Variants in SSX3 observed in about 807,000 individuals in gnomAD.
The protein encoded by SSX3 is SSX family member 3, also known as protein SSX3.
Under a neutral mutation model 14.8 loss-of-function variants are expected in SSX3, and 6 were observed. The ratio of observed to expected loss-of-function variants is 0.41; its 90% CI spans 0.22 to 0.80. The LOEUF (loss-of-function observed/expected upper bound fraction) is 0.80, where lower values mean the gene tolerates loss of function less well. SSX3 is among the 30% of genes least tolerant of loss of function. SSX3 has a pLI of 0.34. For synonymous variants in SSX3, 55 were observed against 52.9 expected, an observed-to-expected ratio of 1.04 and a Z score of -0.18; for missense variants, 163 against 152.2, an observed-to-expected ratio of 1.07 and a Z score of -0.37.
At position 48,350,084 on chromosome X, in the gene SSX3, C is replaced by T. The variant is rs782073249; in HGVS notation, c.369G>A (p.Ser123=). The change falls in exon 6 of 8, where the codon TCG becomes TCA. Residue 123 remains serine, a synonymous_variant. Transcript: ENST00000298396. ...GGCCAGATGCTTCTGGCACTTCCTTCGAAACATTTCCTTCCTCTGCTGGCT... is the reference window on the plus strand; with the variant it reads ...GGCCAGATGCTTCTGGCACTTCCTTTGAAACATTTCCTTCCTCTGCTGGCT... ...PKKPAEEGNV[S]KEVPEASGPQ... The T allele has an allele frequency of 2.0e-5, 24 of 1,211,728 alleles. No individual in the cohort carries two copies. The highest frequency in any genetic ancestry group is 1.8e-4 in the East Asian group (6 of 33,859).
chrX:48,351,128 T>G (rs181272246), intron 5 of SSX3, among the ~76,000 whole-genome samples: 1 of 111,739 alleles, frequency 8.9e-6, no homozygotes, highest in Admixed American at 9.5e-5. Context: ...ACATGTAAAA[T>G]AGGCTACAAG....
chrX:48,350,779 T>C (rs5953226), intron 5 of SSX3, among the ~76,000 whole-genome samples: 31,825 of 106,113 alleles, frequency 0.3, 3,525 homozygotes, highest in Middle Eastern at 0.42. Flanking sequence ...TTCTTTTTTT[T>C]TTTTTTTTTT....
chrX:48,350,111 C>T lies in SSX3; in HGVS notation c.342G>A (p.Lys114=), dbSNP rs782439263. ...AAACATTTCCTTCCTCTGCTGGCTT[C>T]TTGGGCATGATCTTTATAATGTGAA... is the stretch of plus-strand genomic sequence containing the variant. The part of the protein sequence containing the change: ...LQGIFPKIMP[K]KPAEEGNVSK... The change falls in exon 6 of 8, where the codon AAG becomes AAA. Residue 114 remains lysine, a synonymous_variant. Coordinates refer to ENST00000298396, the MANE Select transcript of SSX3 (RefSeq NM_021014.4). The T allele has an allele frequency of 9.1e-6, 11 of 1,211,610 alleles. No individual in the cohort carries two copies. Among genetic ancestry groups the T allele is most frequent in the African/African-American group, 1.7e-5 (1 of 57,772 alleles).
intron 2 of SSX3, 106 bp downstream of exon 2, chrX:48,355,075 A>T: frequency 8.3e-7 from 1 of 1,204,476 alleles, no homozygotes; most frequent in East Asian, 3.0e-5. Flanking sequence ...ATCTCCCCTG[A>T]GACCCTGCTC....
chrX:48,351,900 G>A (rs1279992913), intron 5 of SSX3, among the ~76,000 whole-genome samples, 200 bp downstream of exon 5: 2 of 111,810 alleles, frequency 1.8e-5, no homozygotes, highest in Non-Finnish European at 3.8e-5. Flanking sequence ...ATAGTATCTG[G>A]CATCACTATG....
Position 48,355,008 on chromosome X carries a change from G to A in SSX3, c.69+173C>T, listed in dbSNP as rs1289492618. 2.5e-5 allele frequency: 19 copies of A among 752,413 alleles called. No homozygotes were observed. In the African/African-American group the frequency reaches 4.2e-4, roughly 17 times the overall value. 62.0% of individuals were successfully genotyped at this position (752,413 alleles called of 1,213,427 possible). On this transcript the variant is annotated intron_variant, in intron 2 of 7. Transcript: ENST00000298396. Reference sequence around the variant, plus strand: ...AAATGTAGTGCAAGGTCACAGACTTGTCTCCAGGGATGCTAGGTGATGACA... The same window carrying A: ...AAATGTAGTGCAAGGTCACAGACTTATCTCCAGGGATGCTAGGTGATGACA...
In SSX3 at chrX:48,347,034, G is replaced by A. The variant is rs1405408921; in HGVS notation, c.*6C>T. The A allele has an allele frequency of 3.0e-5, 36 of 1,196,355 alleles. No homozygotes were observed. Among genetic ancestry groups the A allele is most frequent in the Non-Finnish European group, 3.7e-5 (33 of 895,022 alleles). On this transcript the variant is annotated splice_region_variant and 3_prime_UTR_variant, in exon 8 of 8. Coordinates refer to ENST00000298396, the MANE Select transcript of SSX3 (RefSeq NM_021014.4). The stretch of plus-strand genomic sequence containing the variant: ...TCATGGGCATGTGTCATATCCCCAA[G>A]GCTGAGGCAAGAAGAGAGAAGGAAA...
intron 4 of SSX3, among the ~76,000 whole-genome samples, chrX:48,353,626 A>G (rs2061272581): frequency 9.0e-6 from 1 of 110,884 alleles, no homozygotes. Flanking sequence ...ACTCCATCTC[A>G]AAAACAAAAA....
In SSX3 at chrX:48,353,847, C is replaced by G. The variant is rs782271835; in HGVS notation, c.280+152G>C. The stretch of plus-strand genomic sequence containing the variant: ...ATGTTTTAAAATTTTATATGAATGA[C>G]CTCTGTAGTTAACTTTCTGCATGCA... On this transcript the variant is annotated intron_variant, in intron 4 of 7. Coordinates refer to ENST00000298396, the MANE Select transcript of SSX3 (RefSeq NM_021014.4). 14 of 500,189 alleles carry G rather than the reference C, an allele frequency of 2.8e-5. No individual in the cohort carries two copies. In the African/African-American group the frequency reaches 2.9e-4, roughly 10 times the overall value. 41.2% of individuals were successfully genotyped at this position (500,189 alleles called of 1,213,427 possible). A position where few individuals can be genotyped will look rare whatever the true frequency, so the allele number is the denominator to read the frequency against.
chrX:48,354,471 G>A lies in SSX3; in HGVS notation c.184+161C>T, dbSNP rs1445422097. Among the ~76,000 whole-genome samples, 6 of 108,631 alleles carry A rather than the reference G, an allele frequency of 5.5e-5. 1 individual carries two copies. The Admixed American group carries it at 6.0e-4, about 11-fold the overall frequency. 94.3% of individuals were successfully genotyped at this position (108,631 alleles called of 115,157 possible). A position where few individuals can be genotyped will look rare whatever the true frequency, so the allele number is the denominator to read the frequency against. ...GTGGCCAGTCACTGCCCTCAGCCCTGACAGGATATAGAAGAGCAGAACACC... is the reference window on the plus strand; with the variant it reads ...GTGGCCAGTCACTGCCCTCAGCCCTAACAGGATATAGAAGAGCAGAACACC... On this transcript the variant is annotated intron_variant, in intron 3 of 7. Coordinates refer to ENST00000298396, the MANE Select transcript of SSX3 (RefSeq NM_021014.4).
At chrX:48,354,543 G>T in intron 3 of SSX3, 89 bp downstream of exon 3, 1 of 1,013,338 alleles carries the variant, frequency 9.9e-7, no homozygotes, top group South Asian at 2.2e-5. Context: ...AAAATGTGAG[G>T]TACTTTCTGC....
In SSX3 at chrX:48,353,253, T is replaced by C. The variant is rs192636290; in HGVS notation, c.280+746A>G. 4.1e-4 allele frequency among the ~76,000 whole-genome samples: 45 copies of C among 111,075 alleles called. No individual in the cohort carries two copies. In the East Asian group the frequency reaches 0.013, roughly 31 times the overall value. On this transcript the variant is annotated intron_variant, in intron 4 of 7. Coordinates refer to ENST00000298396, the MANE Select transcript of SSX3 (RefSeq NM_021014.4). ...CAAACACACAGAAAAGTATGGGGAATAATATTGAGTCCAGTCGGATCTCAA... is the reference window on the plus strand; with the variant it reads ...CAAACACACAGAAAAGTATGGGGAACAATATTGAGTCCAGTCGGATCTCAA...
In SSX3 at chrX:48,350,056, G is replaced by C; in HGVS notation, c.397C>G (p.Gln133Glu). 3 of 1,211,768 alleles carry C rather than the reference G, an allele frequency of 2.5e-6. No homozygotes were observed. The highest frequency in any genetic ancestry group is 3.4e-6 in the Non-Finnish European group (3 of 895,476). Residue 133 changes from glutamine to glutamate, a missense_variant, in exon 6 of 8, where the codon CAA becomes GAA. Transcript: ENST00000298396. ...SKEVPEASGP[Q>E]NDGKQLCPPG... ...GGGCACAGCTGTTTCCCATCGTTTT[G>C]TGGGCCAGATGCTTCTGGCACTTCC...
Position 48,347,594 on chromosome X carries a change from C to A in SSX3, c.477G>T (p.Arg159Ser), listed in dbSNP as rs138449915. 49 of 1,207,893 alleles carry A rather than the reference C, an allele frequency of 4.1e-5. No homozygotes were observed. The African/African-American group carries it at 6.5e-4, about 16-fold the overall frequency. Residue 159 changes from arginine to serine, a missense_variant, in exon 7 of 8, where the codon AGG (arginine) becomes AGT (serine). Physicochemically the swap from Arg to Ser is moderately radical, Grantham distance 110 (BLOSUM62 -1). Coordinates refer to ENST00000298396, the MANE Select transcript of SSX3 (RefSeq NM_021014.4). The stretch of plus-strand genomic sequence containing the variant: ...GTCTGTGGGTCCAGGCATGTTCCCC[C>A]CTTTTGGGTCCTATGATGGAGAATA... ...EKINMISGPK[R>S]GEHAWTHRLR... is the part of the protein sequence containing the mutation.
At chrX:48,349,481 T>G (rs2061252354) in intron 6 of SSX3, 1 of 1,182,413 alleles carries the variant, frequency 8.5e-7, no homozygotes. Context: ...TAGACTACAC[T>G]GTAGTGTAAA....
At chrX:48,350,826 C>T (rs1175451876) in intron 5 of SSX3, among the ~76,000 whole-genome samples, 1 of 105,437 alleles carries the variant, frequency 9.5e-6, no homozygotes, top group Non-Finnish European at 1.9e-5. Context: ...AATGGGGAGC[C>T]GTGGCATGAT....
intron 5 of SSX3, 91 bp from the exon 6 acceptor site, chrX:48,350,213 A>C (rs1204879881): frequency 8.8e-7 from 1 of 1,141,637 alleles, no homozygotes; most frequent in Admixed American, 2.4e-5. Flanking sequence ...GCATTAGCTT[A>C]TTCAATGTTC....
Position 48,346,668 on chromosome X carries a change from G to C in SSX3, c.*372C>G, listed in dbSNP as rs782256660. The stretch of plus-strand genomic sequence containing the variant: ...GAAAAAATCTGAAATTAAACACTCA[G>C]AACTGCCCTCAGTAGTCACATCTAG... On this transcript the variant is annotated 3_prime_UTR_variant, in exon 8 of 8. Transcript: ENST00000298396. 1 of 343,787 alleles carries C rather than the reference G, an allele frequency of 2.9e-6. No individual in the cohort carries two copies. The highest frequency in any genetic ancestry group is 5.2e-6 in the Non-Finnish European group (1 of 193,464). 28.3% of individuals were successfully genotyped at this position (343,787 alleles called of 1,213,427 possible). A position where few individuals can be genotyped will look rare whatever the true frequency, so the allele number is the denominator to read the frequency against.
intron 4 of SSX3, among the ~76,000 whole-genome samples, chrX:48,353,021 T>C (rs1286345490): frequency 2.7e-5 from 3 of 111,515 alleles, no homozygotes; most frequent in African/African-American, 9.8e-5. Context: ...CTTTATTACA[T>C]AATGTGTTCA....
Sources: gnomAD v4.1 joint callset for allele counts (sites outside exome capture counted in the v4.1 genomes callset) on GRCh38, gnomAD v4.1.1 for gene constraint, MANE v1.5 for transcripts, NCBI Gene and HGNC (gene_info 2026-07-23, HGNC 2026-07-21) for gene names.